KNDC1: variants seen among roughly 807,000 people sequenced by gnomAD.
KNDC1 encodes kinase non-catalytic C-lobe domain containing 1, also known as kinase non-catalytic C-lobe domain-containing protein 1.
KNDC1 carries 106 observed loss-of-function variants against 172.8 expected under a neutral mutation model. The observed-to-expected ratio is 0.61, with a 90% CI of 0.52 to 0.72. KNDC1 has a LOEUF of 0.72. Ranked by LOEUF, KNDC1 falls within the 30% of genes least tolerant of loss-of-function variation. KNDC1 has a pLI of 0.00. For synonymous variants in KNDC1, 1,083 were observed against 1,062.2 expected (o/e 1.02, Z -0.38); for missense variants, 2,325 against 2,394.5 (o/e 0.97, Z 0.61).
At chr10:133,218,687 G>A (rs994082247) in intron 26 of KNDC1, 144 bp from the exon 27 acceptor site, 36 of 1,067,772 alleles carry the variant, frequency 3.4e-5, no homozygotes, top group South Asian at 2.1e-4. Context: ...GCTCACCTGC[G>A]TCCACACAGC....
At chr10:133,195,555 G>C in intron 9 of KNDC1, 108 bp from the exon 10 acceptor site, 8 of 1,093,520 alleles carry the variant, frequency 7.3e-6, no homozygotes, top group Non-Finnish European at 1.0e-5. Flanking sequence ...GAGCCCCTCT[G>C]TGGGGGCAGT....
intron 6 of KNDC1, among the ~76,000 whole-genome samples, chr10:133,188,100 C>A (rs951810324): frequency 1.1e-4 from 16 of 152,160 alleles, no homozygotes; most frequent in South Asian, 2.1e-4. Context: ...CGAGGCCAAG[C>A]GCCATCCACA....
intron 3 of KNDC1, among the ~76,000 whole-genome samples, chr10:133,177,347 G>A (rs896700279): frequency 1.8e-4 from 28 of 152,218 alleles, no homozygotes; most frequent in Non-Finnish European, 3.7e-4. Context: ...GTGTGTACAT[G>A]CATGGCATGC....
chr10:133,202,219 G>A (rs1384707623), intron 17 of KNDC1: 8 of 633,522 alleles, frequency 1.3e-5, no homozygotes, highest in Non-Finnish European at 2.1e-5. Context: ...GGTTGCGTTC[G>A]GTCGTGTTTT....
At chr10:133,175,176 A>T (rs1296513382) in intron 3 of KNDC1, among the ~76,000 whole-genome samples, 4 of 128,330 alleles carry the variant, frequency 3.1e-5, no homozygotes, top group African/African-American at 9.3e-5. Flanking sequence ...GGATATGTGG[A>T]TGGATGAGTG....
In KNDC1 at chr10:133,214,110, C is replaced by T; in HGVS notation, c.4665C>T (p.Ser1555=). The T allele has an allele frequency of 6.2e-7, 1 of 1,614,068 alleles. No homozygotes were observed. The highest frequency in any genetic ancestry group is 8.5e-7 in the Non-Finnish European group (1 of 1,179,998). The change falls in exon 26 of 30, where the codon AGC becomes AGT. Residue 1555 remains serine (S), a synonymous_variant. Transcript: ENST00000304613. The part of the protein sequence containing the change: ...STWVAAEIVT[S]HTSKLQVNLL... ...GGGTGGCTGCAGAGATTGTGACCAG[C>T]CACACCTCCAAGGTGGGCACCCTAC...
At chr10:133,165,182 A>G (rs934790568) in intron 1 of KNDC1, among the ~76,000 whole-genome samples, 4 of 152,138 alleles carry the variant, frequency 2.6e-5, no homozygotes, top group Admixed American at 2.6e-4. Context: ...CACAGACCCC[A>G]TGGAATTCAC....
At chr10:133,196,334 C>G (rs1436354777) in intron 10 of KNDC1, among the ~76,000 whole-genome samples, 1 of 152,116 alleles carries the variant, frequency 6.6e-6, no homozygotes, top group Non-Finnish European at 1.5e-5. Flanking sequence ...TGCACCCGCA[C>G]CCGGCATGGG....
At chr10:133,177,955 TG>T (rs551630963) in intron 3 of KNDC1, among the ~76,000 whole-genome samples, 139 of 147,446 alleles carry the variant, frequency 9.4e-4, no homozygotes, top group South Asian at 1.7e-3. Flanking sequence ...ACGTGTAGCA[TG>T]ATGTATGTGT....
chr10:133,213,831 C>G (rs1237885140), intron 25 of KNDC1, 104 bp downstream of exon 25: 2 of 1,444,008 alleles, frequency 1.4e-6, no homozygotes, highest in Non-Finnish European at 1.9e-6. Context: ...GCCTGTGTCT[C>G]CAGAGACGCG....
In KNDC1 at chr10:133,205,191, C is replaced by T. The variant is rs1038695742; in HGVS notation, c.3388-1494C>T. On this transcript the variant is annotated intron_variant, in intron 17 of 29. Coordinates refer to ENST00000304613, the MANE Select transcript of KNDC1 (RefSeq NM_152643.8). ...AGCCTCTACGCCCGTGTGCCTGTCC[C>T]GTAGGACAGAAGGAGTGCTCAGACG... is the stretch of plus-strand genomic sequence containing the variant. Among the ~76,000 whole-genome samples, 6 of 152,172 alleles carry T rather than the reference C, an allele frequency of 3.9e-5. 1 individual carries two copies. Among genetic ancestry groups the T allele is most frequent in the African/African-American group, 7.2e-5 (3 of 41,434 alleles).
chr10:133,204,705 A>G (rs1054725742), intron 17 of KNDC1, among the ~76,000 whole-genome samples: 1 of 152,214 alleles, frequency 6.6e-6, no homozygotes, highest in African/African-American at 2.4e-5. Flanking sequence ...AAACCCTGTC[A>G]ATAGCAGAGT....
rs753541877 is a variant in KNDC1, at chr10:133,189,672, G to C, written c.1513+3G>C. 8 of 1,613,890 alleles carry C rather than the reference G, an allele frequency of 5.0e-6. No homozygotes were observed. In the African/African-American group the frequency reaches 9.3e-5, roughly 19 times the overall value. On this transcript the variant is annotated splice_donor_region_variant and intron_variant, in intron 8 of 29. Transcript: ENST00000304613. ...CTTCCAGCCACCCCCTGCCAACGGT[G>C]AGTGTGTGGGTTCCCCTCAGGCCGA...
chr10:133,198,888 G>C lies in KNDC1; in HGVS notation c.2380G>C (p.Val794Leu), dbSNP rs754706994. ...APPTKASALP[V>L]EQGPAEPIPP... ...GCCCACGAAGGCATCTGCGCTGCCC[G>C]TAGAGCAAGGGCCGGCTGAGCCGAT... Residue 794 changes from valine to leucine, a missense_variant, in exon 14 of 30, where the codon GTA becomes CTA. Physicochemically the swap from Val to Leu is conservative, Grantham distance 32 (BLOSUM62 1). Coordinates refer to ENST00000304613, the MANE Select transcript of KNDC1 (RefSeq NM_152643.8). 6 of 1,592,526 alleles carry C rather than the reference G, an allele frequency of 3.8e-6. No homozygotes were observed. Among genetic ancestry groups the C allele is most frequent in the Admixed American group, 1.7e-5 (1 of 58,954 alleles).
At position 133,226,360 on chromosome 10, in the gene KNDC1, A is replaced by G. The variant is rs1845716894; in HGVS notation, c.*1470A>G. 1 of 152,314 alleles carries G rather than the reference A, an allele frequency of 6.6e-6. No homozygotes were observed. 9.4% of individuals were successfully genotyped at this position (152,314 alleles called of 1,614,324 possible). On this transcript the variant is annotated 3_prime_UTR_variant, in exon 30 of 30. Coordinates refer to ENST00000304613, the MANE Select transcript of KNDC1 (RefSeq NM_152643.8). ...CTCAGGCTTCAGCGCGACTGTCCGC[A>G]TGGCTCCCTCCCGTCCTGGCACCAA...
At chr10:133,221,075 C>T (rs1223602732) in intron 29 of KNDC1, among the ~76,000 whole-genome samples, 2 of 152,112 alleles carry the variant, frequency 1.3e-5, no homozygotes, top group Non-Finnish European at 2.9e-5. Flanking sequence ...CCCGTGGTCT[C>T]TAGGGACCCC....
chr10:133,199,732 G>A (rs994644070), intron 15 of KNDC1, 130 bp downstream of exon 15: 2 of 1,081,424 alleles, frequency 1.8e-6, no homozygotes, highest in African/African-American at 3.2e-5. Flanking sequence ...GTCTCCAGAG[G>A]GGCTACCCTT....
chr10:133,219,315 T>TCACACAGAGCACA (rs1845533262), intron 28 of KNDC1, among the ~76,000 whole-genome samples: 1 of 152,224 alleles, frequency 6.6e-6, no homozygotes, highest in Non-Finnish European at 1.5e-5. Context: ...CTTGCTGGTC[T>TCACACAGAGCACA]GAGTTCCTCA....
intron 17 of KNDC1, chr10:133,202,391 A>G: frequency 2.3e-6 from 1 of 433,860 alleles, no homozygotes; most frequent in Non-Finnish European, 4.6e-6. Flanking sequence ...AGCAGCTGCA[A>G]CTCCTCCCTG....
Sources: allele counts gnomAD v4.1 joint callset (sites outside exome capture counted in the v4.1 genomes callset), GRCh38; gene constraint gnomAD v4.1.1; transcripts MANE v1.5; gene names NCBI Gene and HGNC (gene_info 2026-07-23, HGNC 2026-07-21).